Variants in ADGRL2 observed in about 807,000 individuals in gnomAD.
ADGRL2 encodes calcium-independent alpha-latrotoxin receptor 2.
Under a neutral mutation model 157.4 loss-of-function variants are expected in ADGRL2, and 44 were observed. The ratio of observed to expected loss-of-function variants is 0.28; its 90% CI spans 0.22 to 0.36. The LOEUF (loss-of-function observed/expected upper bound fraction) is 0.36. Ranked by LOEUF, ADGRL2 falls within the 10% of genes least tolerant of loss-of-function variation. The probability of loss-of-function intolerance (pLI) is 1.00; values close to 1 mark genes in which losing one functional copy is unlikely to be tolerated. For missense variants in ADGRL2, 1,510 were observed against 1,768.9 expected, an observed-to-expected ratio of 0.85 and a Z score of 2.63; for synonymous variants, 585 against 624.7, an observed-to-expected ratio of 0.94 and a Z score of 0.95.
At chr1:81,982,116 A>C in intron 19 of ADGRL2, 140 bp downstream of exon 19, 1 of 705,466 alleles carries the variant, frequency 1.4e-6, no homozygotes, top group Non-Finnish European at 2.2e-6. Context: ...TAATTTTCAT[A>C]CCTGTCTGAA....
At chr1:81,967,935 A>T in intron 13 of ADGRL2, 91 bp from the exon 14 acceptor site, 2 of 1,069,936 alleles carry the variant, frequency 1.9e-6, no homozygotes, top group Non-Finnish European at 2.8e-6. Context: ...TGCAAAGTTT[A>T]ATCTAAATTA....
chr1:81,935,301 T>C (rs1195461853), intron 3 of ADGRL2, among the ~76,000 whole-genome samples: 1 of 151,968 alleles, frequency 6.6e-6, no homozygotes, highest in Admixed American at 6.6e-5. Flanking sequence ...CAGTATATGG[T>C]ATATTTCTAA....
intron 2 of ADGRL2, among the ~76,000 whole-genome samples, chr1:81,770,011 C>G (rs1299346124): frequency 1.3e-5 from 2 of 150,972 alleles, no homozygotes; most frequent in East Asian, 2.0e-4. Flanking sequence ...TTACAGGCAG[C>G]AAGCTAATTT....
At chr1:81,789,551 C>G (rs895899065) in intron 2 of ADGRL2, among the ~76,000 whole-genome samples, 1 of 151,696 alleles carries the variant, frequency 6.6e-6, no homozygotes, top group Non-Finnish European at 1.5e-5. Context: ...CATGGTGAAA[C>G]CCCATCTCTA....
intron 3 of ADGRL2, among the ~76,000 whole-genome samples, chr1:81,618,624 T>G (rs2081717245): frequency 6.6e-6 from 1 of 152,206 alleles, no homozygotes; most frequent in Non-Finnish European, 1.5e-5. Context: ...GCAAATAGCT[T>G]GGACATATCC....
intron 1 of ADGRL2, among the ~76,000 whole-genome samples, chr1:81,707,507 T>C (rs2083776623): frequency 6.6e-6 from 1 of 152,214 alleles, no homozygotes; most frequent in South Asian, 2.1e-4. Context: ...TATAGAATTC[T>C]CACAAAAGCT....
intron 3 of ADGRL2, among the ~76,000 whole-genome samples, chr1:81,912,229 G>A (rs780153415): frequency 2.0e-5 from 3 of 151,540 alleles, no homozygotes; most frequent in Non-Finnish European, 4.4e-5. Context: ...GCACCACTGT[G>A]CCCGGCTAAT....
chr1:81,509,323 G>A (rs1041080785), intron 2 of ADGRL2, among the ~76,000 whole-genome samples: 8 of 151,656 alleles, frequency 5.3e-5, no homozygotes, highest in South Asian at 2.1e-4. Flanking sequence ...TCTTCCATTC[G>A]TGGAAAATCA....
At chr1:81,676,970 C>T (rs546667779) in intron 3 of ADGRL2, among the ~76,000 whole-genome samples, 1 of 150,866 alleles carries the variant, frequency 6.6e-6, no homozygotes, top group South Asian at 2.1e-4. Flanking sequence ...GCCACTGTGC[C>T]TGGCCAACTC....
intron 2 of ADGRL2, among the ~76,000 whole-genome samples, chr1:81,904,521 G>T (rs2094549498): frequency 6.6e-6 from 1 of 152,106 alleles, no homozygotes; most frequent in African/African-American, 2.4e-5. Flanking sequence ...ATCTGGTGAG[G>T]GCCTCATGCT....
At chr1:81,884,533 G>A (rs2094077029) in intron 2 of ADGRL2, among the ~76,000 whole-genome samples, 2 of 152,106 alleles carry the variant, frequency 1.3e-5, no homozygotes, top group Non-Finnish European at 1.5e-5. Context: ...AGCAAAAATG[G>A]TATTGAATGC....
intron 1 of ADGRL2, among the ~76,000 whole-genome samples, chr1:81,404,255 A>G (rs1419413189): frequency 1.3e-5 from 2 of 152,224 alleles, no homozygotes; most frequent in African/African-American, 2.4e-5. Context: ...AGGCAAGGTA[A>G]TCAACTTTGA....
At chr1:81,770,812 T>C (rs572934014) in intron 2 of ADGRL2, among the ~76,000 whole-genome samples, 1 of 152,348 alleles carries the variant, frequency 6.6e-6, no homozygotes, top group South Asian at 2.1e-4. Flanking sequence ...CCCCATAAAT[T>C]TGTTAGATTT....
intron 3 of ADGRL2, among the ~76,000 whole-genome samples, chr1:81,616,762 T>C (rs1258656522): frequency 6.6e-6 from 1 of 150,704 alleles, no homozygotes; most frequent in Non-Finnish European, 1.5e-5. Context: ...CTGTAACCTT[T>C]GCCTCCTGGA....
intron 2 of ADGRL2, among the ~76,000 whole-genome samples, chr1:81,844,853 T>A (rs1245670750): frequency 1.3e-5 from 2 of 152,174 alleles, no homozygotes; most frequent in Non-Finnish European, 2.9e-5. Context: ...CTCCTGAGTT[T>A]GACTTTTATG....
chr1:81,585,051 TA>T (rs1345856956), intron 3 of ADGRL2, among the ~76,000 whole-genome samples: 2 of 152,148 alleles, frequency 1.3e-5, no homozygotes, highest in Non-Finnish European at 2.9e-5. Flanking sequence ...TAAAAATACT[TA>T]CATGTTACTT....
chr1:81,651,192 G>A (rs1381650486), intron 3 of ADGRL2, among the ~76,000 whole-genome samples: 15 of 152,126 alleles, frequency 9.9e-5, no homozygotes, highest in Admixed American at 2.0e-4. Flanking sequence ...ATTGTTGGTC[G>A]TAGAAAAGGA....
chr1:81,379,859 G>A (rs913600436), intron 1 of ADGRL2, among the ~76,000 whole-genome samples: 4 of 152,188 alleles, frequency 2.6e-5, no homozygotes, highest in Non-Finnish European at 4.4e-5. Flanking sequence ...CTCTTGGAAA[G>A]GAAAATACAA....
At chr1:81,810,751 C>T (rs905110402) in intron 1 of ADGRL2, among the ~76,000 whole-genome samples, 1 of 151,720 alleles carries the variant, frequency 6.6e-6, no homozygotes, top group African/African-American at 2.4e-5. Context: ...GATTCGTGTA[C>T]TGAAAATAAT....
Sources: gnomAD v4.1 joint callset for allele counts (sites outside exome capture counted in the v4.1 genomes callset) on GRCh38, gnomAD v4.1.1 for gene constraint, MANE v1.5 for transcripts, NCBI Gene and HGNC (gene_info 2026-07-23, HGNC 2026-07-21) for gene names.